MDGA2: variants seen among roughly 807,000 people sequenced by gnomAD.
The protein encoded by MDGA2 is MAM domain-containing glycosylphosphatidylinositol anchor protein 2.
MDGA2 carries 40 observed loss-of-function variants against 117.8 expected under a neutral mutation model. That is an observed-to-expected ratio of 0.34 (90% confidence interval 0.26 to 0.44). The LOEUF is 0.44. Ranked by LOEUF, MDGA2 falls within the 20% of genes least tolerant of loss-of-function variation. The pLI is 1.00. For synonymous variants in MDGA2, 452 were observed against 439.0 expected (o/e 1.03, Z -0.37); for missense variants, 1,123 against 1,250.6 (o/e 0.90, Z 1.54).
At chr14:47,593,517 G>A (rs1428720951) in intron 1 of MDGA2, among the ~76,000 whole-genome samples, 1 of 152,106 alleles carries the variant, frequency 6.6e-6, no homozygotes, top group Non-Finnish European at 1.5e-5. Flanking sequence ...AGAAAATGTG[G>A]TACATAGACA....
At chr14:47,598,262 T>C (rs998747784) in intron 1 of MDGA2, among the ~76,000 whole-genome samples, 1 of 152,222 alleles carries the variant, frequency 6.6e-6, no homozygotes, top group African/African-American at 2.4e-5. Flanking sequence ...GAAAACAGTC[T>C]GGTGCTTCCT....
chr14:47,530,738 T>C (rs1188584121), intron 1 of MDGA2, among the ~76,000 whole-genome samples: 1 of 152,190 alleles, frequency 6.6e-6, no homozygotes, highest in Non-Finnish European at 1.5e-5. Context: ...AAGAGTCATG[T>C]TGCATTGCAG....
intron 8 of MDGA2, among the ~76,000 whole-genome samples, chr14:47,019,357 T>C (rs1347265713): frequency 6.6e-6 from 1 of 152,180 alleles, no homozygotes; most frequent in Non-Finnish European, 1.5e-5. Flanking sequence ...AGATGTTCTT[T>C]TGTAATCTGG....
chr14:47,148,112 G>A (rs895657022), intron 3 of MDGA2, among the ~76,000 whole-genome samples: 4 of 152,126 alleles, frequency 2.6e-5, no homozygotes, highest in African/African-American at 9.7e-5. Context: ...ACTCCCACCA[G>A]GATAGTGACT....
intron 2 of MDGA2, among the ~76,000 whole-genome samples, chr14:47,285,591 G>C (rs903857394): frequency 2.6e-5 from 4 of 152,086 alleles, no homozygotes; most frequent in African/African-American, 7.2e-5. Context: ...TGACTGAAGG[G>C]CTTTAATAGC....
intron 1 of MDGA2, among the ~76,000 whole-genome samples, chr14:47,379,420 T>G (rs1284211515): frequency 6.6e-6 from 1 of 152,180 alleles, no homozygotes; most frequent in African/African-American, 2.4e-5. Context: ...AGACACAGAC[T>G]GGCAAATTGG....
intron 1 of MDGA2, among the ~76,000 whole-genome samples, chr14:47,410,659 C>T (rs901966588): frequency 2.6e-5 from 4 of 152,038 alleles, no homozygotes; most frequent in Admixed American, 2.0e-4. Flanking sequence ...TTTCAGAGAA[C>T]AACAACTTTT....
rs150080492 is a variant in MDGA2 at position 47,511,515 on chromosome 14, CTA to C, written c.280+163000_280+163001del. Among the ~76,000 whole-genome samples, 1,462 of 152,148 alleles carry C rather than the reference CTA, an allele frequency of 9.6e-3. 16 individuals are homozygous for C. Among genetic ancestry groups the C allele is most frequent in the Non-Finnish European group, 0.016 (1,108 of 67,990 alleles). On this transcript the variant is annotated intron_variant, in intron 1 of 16. Coordinates refer to ENST00000399232, the MANE Select transcript of MDGA2 (RefSeq NM_001113498.3). Reference sequence around the variant, plus strand: ...GTTTTGTTTATAACACAGAAAGTATCTATTAAATAACTAAACTGTTTTAAAGT... The same window carrying C: ...GTTTTGTTTATAACACAGAAAGTATCTTAAATAACTAAACTGTTTTAAAGT...
intron 8 of MDGA2, among the ~76,000 whole-genome samples, chr14:46,968,438 G>T (rs2138316879): frequency 6.6e-6 from 1 of 152,180 alleles, no homozygotes; most frequent in East Asian, 1.9e-4. Context: ...GCAAGAAAAA[G>T]AAATAAAAAG....
intron 1 of MDGA2, among the ~76,000 whole-genome samples, chr14:47,586,093 T>G (rs191288167): frequency 6.6e-6 from 1 of 152,068 alleles, no homozygotes; most frequent in African/African-American, 2.4e-5. Flanking sequence ...TAGTATTTAT[T>G]ATTTTATTCT....
chr14:46,866,426 A>T (rs1439164797), intron 14 of MDGA2, among the ~76,000 whole-genome samples: 3 of 152,184 alleles, frequency 2.0e-5, no homozygotes, highest in Non-Finnish European at 4.4e-5. Flanking sequence ...TTAGACCTAA[A>T]ACCATAAAAA....
intron 10 of MDGA2, among the ~76,000 whole-genome samples, chr14:46,894,746 T>C (rs1883012706): frequency 6.6e-6 from 1 of 152,172 alleles, no homozygotes; most frequent in African/African-American, 2.4e-5. Flanking sequence ...TATTTATTAC[T>C]CCCATCTGTT....
chr14:47,599,552 T>C (rs969712098), intron 1 of MDGA2, among the ~76,000 whole-genome samples: 5 of 152,148 alleles, frequency 3.3e-5, no homozygotes, highest in Admixed American at 1.3e-4. Context: ...TACCAAACAA[T>C]AGGCCTTAAA....
chr14:47,653,901 T>C (rs1013285092), intron 1 of MDGA2, among the ~76,000 whole-genome samples: 3 of 152,122 alleles, frequency 2.0e-5, no homozygotes, highest in African/African-American at 7.2e-5. Flanking sequence ...GGAAATGGAT[T>C]CTCCCTTAGA....
intron 8 of MDGA2, among the ~76,000 whole-genome samples, chr14:47,006,103 T>C (rs1207761575): frequency 6.6e-6 from 1 of 151,584 alleles, no homozygotes; most frequent in African/African-American, 2.4e-5. Context: ...ATTTCACCTC[T>C]GTTTACCAAT....
chr14:47,368,652 A>G (rs1310395107), intron 1 of MDGA2, among the ~76,000 whole-genome samples: 1 of 152,176 alleles, frequency 6.6e-6, no homozygotes, highest in African/African-American at 2.4e-5. Context: ...TAATTTTCAT[A>G]AATAGTATCT....
In MDGA2 at chr14:47,171,766, T is replaced by C. The variant is rs555154130; in HGVS notation, c.596-27492A>G. Among the ~76,000 whole-genome samples, 5 of 152,268 alleles carry C rather than the reference T, an allele frequency of 3.3e-5. No individual in the cohort carries two copies. The East Asian group carries it at 9.7e-4, about 30-fold the overall frequency. ...ATTTCCATCTGAGGTATTGTGTTCATCTCACTAGGGAGTGCCAGACAGTGG... is the reference window on the plus strand; with the variant it reads ...ATTTCCATCTGAGGTATTGTGTTCACCTCACTAGGGAGTGCCAGACAGTGG... On this transcript the variant is annotated intron_variant, in intron 3 of 16. Coordinates refer to ENST00000399232, the MANE Select transcript of MDGA2 (RefSeq NM_001113498.3).
At chr14:47,217,941 T>A (rs1886158076) in intron 3 of MDGA2, 80 bp downstream of exon 3, 4 of 1,200,866 alleles carry the variant, frequency 3.3e-6, no homozygotes, top group South Asian at 3.9e-5. Context: ...AACGCTATGG[T>A]TTTTCAGAAA....
intron 8 of MDGA2, among the ~76,000 whole-genome samples, chr14:47,013,792 A>C (rs1366527291): frequency 7.5e-6 from 1 of 134,052 alleles, no homozygotes; most frequent in African/African-American, 2.6e-5. Flanking sequence ...ATATATATAT[A>C]TCTCCTTTTT....
Sources: allele counts gnomAD v4.1 joint callset (sites outside exome capture counted in the v4.1 genomes callset), GRCh38; gene constraint gnomAD v4.1.1; transcripts MANE v1.5; gene names NCBI Gene and HGNC (gene_info 2026-07-23, HGNC 2026-07-21).